Variants in ARK2C observed in about 807,000 individuals in gnomAD.
ARK2C encodes the protein arkadia (RNF111) C-terminal like ring finger ubiquitin ligase 2C, also known as E3 ubiquitin-protein ligase ARK2C.
the ARK2C span, among the ~76,000 whole-genome samples, chr18:46,384,119 A>G: frequency 6.6e-6 from 1 of 152,244 alleles, no homozygotes; most frequent in African/African-American, 2.4e-5. Flanking sequence ...GAGATGGTGA[A>G]GACAGAGTTG....
the ARK2C span, among the ~76,000 whole-genome samples, chr18:46,370,189 A>G: frequency 1.3e-5 from 2 of 152,234 alleles, no homozygotes. Flanking sequence ...AACATTTGTG[A>G]GGACCATACT....
chr18:46,454,573 G>T, the ARK2C span, among the ~76,000 whole-genome samples: 17 of 152,338 alleles, frequency 1.1e-4, no homozygotes, highest in Non-Finnish European at 2.5e-4. Flanking sequence ...GTGTTCCAGT[G>T]AGGTTACAGT....
At chr18:46,411,638 C>A in the ARK2C span, among the ~76,000 whole-genome samples, 2 of 152,172 alleles carry the variant, frequency 1.3e-5, no homozygotes, top group African/African-American at 4.8e-5. Flanking sequence ...AGAGCCCATC[C>A]CAGGGAGGGG....
At chr18:46,373,997 C>G in the ARK2C span, among the ~76,000 whole-genome samples, 2 of 152,078 alleles carry the variant, frequency 1.3e-5, no homozygotes, top group Non-Finnish European at 2.9e-5. Context: ...AAACCCAGGC[C>G]CCTCATGTTT....
At chr18:46,460,212 T>C in the ARK2C span, 1 of 152,702 alleles carries the variant, frequency 6.5e-6, no homozygotes, top group Non-Finnish European at 1.5e-5. Context: ...CAGACTTTTT[T>C]TCTTTTTTTC....
chr18:46,386,873 ACTTTCTGATTT>A, the ARK2C span: 1 of 152,062 alleles, frequency 6.6e-6, no homozygotes, highest in Non-Finnish European at 1.5e-5. Flanking sequence ...GGAGTCCCCC[ACTTTCTGATTT>A]CTAGTACCTT....
the ARK2C span, among the ~76,000 whole-genome samples, chr18:46,396,250 A>G: frequency 2.6e-5 from 4 of 152,254 alleles, no homozygotes; most frequent in African/African-American, 4.8e-5. Flanking sequence ...CTGCAGAGTC[A>G]CATCACAAGG....
chr18:46,390,470 T>A, the ARK2C span, among the ~76,000 whole-genome samples: 2 of 152,232 alleles, frequency 1.3e-5, no homozygotes, highest in Non-Finnish European at 2.9e-5. Context: ...ACTGCTTCTA[T>A]GTCTTCGGGT....
chr18:46,354,439 CA>C, the ARK2C span, among the ~76,000 whole-genome samples: 1 of 152,246 alleles, frequency 6.6e-6, no homozygotes. Flanking sequence ...GATTGGAGAA[CA>C]CATGATCAGG....
chr18:46,335,975 C>G, the ARK2C span: 2 of 985,416 alleles, frequency 2.0e-6, no homozygotes, highest in Non-Finnish European at 2.4e-6. Context: ...TTAACCATTT[C>G]CTGTCTCCAT....
chr18:46,424,372 G>T, the ARK2C span, among the ~76,000 whole-genome samples: 2 of 152,184 alleles, frequency 1.3e-5, no homozygotes, highest in Admixed American at 1.3e-4. Context: ...GGGGGATTTG[G>T]GCAGGGAATG....
the ARK2C span, among the ~76,000 whole-genome samples, chr18:46,373,688 T>C: frequency 1.3e-5 from 2 of 152,168 alleles, no homozygotes; most frequent in Non-Finnish European, 2.9e-5. Context: ...GGTGTGTAAA[T>C]GGCACTTTAC....
the ARK2C span, among the ~76,000 whole-genome samples, chr18:46,453,459 A>T: frequency 6.6e-6 from 1 of 152,196 alleles, no homozygotes; most frequent in African/African-American, 2.4e-5. Flanking sequence ...AAGAATTAAA[A>T]GGGGAAATGG....
the ARK2C span, among the ~76,000 whole-genome samples, chr18:46,360,692 C>G: frequency 2.0e-5 from 3 of 152,190 alleles, no homozygotes; most frequent in Non-Finnish European, 4.4e-5. Flanking sequence ...ATGGGAGAAC[C>G]CTGCCCTGCC....
At chr18:46,411,626 C>T in the ARK2C span, among the ~76,000 whole-genome samples, 13 of 152,298 alleles carry the variant, frequency 8.5e-5, no homozygotes, top group African/African-American at 2.6e-4. Context: ...CCAGCTGTGA[C>T]GAGAGCCCAT....
chr18:46,432,077 A>G, the ARK2C span, among the ~76,000 whole-genome samples: 1 of 151,938 alleles, frequency 6.6e-6, no homozygotes. Context: ...TATTGGGAGG[A>G]GCAGACATGT....
the ARK2C span, among the ~76,000 whole-genome samples, chr18:46,408,034 C>A: frequency 6.6e-6 from 1 of 152,000 alleles, no homozygotes. Flanking sequence ...GATGGGGTGG[C>A]AGGGATTGGG....
At chr18:46,410,454 T>A in the ARK2C span, among the ~76,000 whole-genome samples, 1 of 152,214 alleles carries the variant, frequency 6.6e-6, no homozygotes, top group Non-Finnish European at 1.5e-5. Context: ...ACTGAACCCG[T>A]TAGGCTGTGA....
chr18:46,435,517 G>T, the ARK2C span: 1 of 780,686 alleles, frequency 1.3e-6, no homozygotes, highest in Non-Finnish European at 2.1e-6. Context: ...TAGTTCTCAG[G>T]CCCCAGCGTT....
Sources: gnomAD v4.1 joint callset for allele counts (sites outside exome capture counted in the v4.1 genomes callset) on GRCh38, gnomAD v4.1.1 for gene constraint, MANE v1.5 for transcripts, NCBI Gene and HGNC (gene_info 2026-07-23, HGNC 2026-07-21) for gene names.